Variants in TM9SF3 observed in about 807,000 individuals in gnomAD.
TM9SF3 encodes transmembrane 9 superfamily member 3.
A neutral mutation model predicts 78.6 loss-of-function variants in TM9SF3; 14 were observed. That is an observed-to-expected ratio of 0.18 (90% CI 0.12 to 0.28). TM9SF3 has a LOEUF of 0.28. Ranked by LOEUF, TM9SF3 falls within the 10% of genes least tolerant of loss-of-function variation. The probability of loss-of-function intolerance (pLI) is 1.00; values close to 1 mark genes in which losing one functional copy is unlikely to be tolerated. For missense variants in TM9SF3, 496 were observed against 721.9 expected (o/e 0.69, Z 3.59); for synonymous variants, 231 against 241.7 (o/e 0.96, Z 0.41).
intron 1 of TM9SF3, among the ~76,000 whole-genome samples, chr10:96,585,203 G>A (rs974850213): frequency 2.6e-5 from 4 of 152,112 alleles, no homozygotes; most frequent in Admixed American, 6.5e-5. Flanking sequence ...ACTACACATT[G>A]AGAGTTCTGA....
chr10:96,575,301 G>A (rs1271493060), intron 2 of TM9SF3, among the ~76,000 whole-genome samples: 1 of 152,038 alleles, frequency 6.6e-6, no homozygotes, highest in African/African-American at 2.4e-5. Context: ...TCTAGTTTAA[G>A]TTTTCTTGTT....
At position 96,576,631 on chromosome 10, in the gene TM9SF3, T is replaced by G. The variant is rs1848500038; in HGVS notation, c.298+3A>C. ...ATTGTAAGGACTATTAAGGTTTACTTACCTTTAAATTTAATATCCAGACCA... is the reference window on the plus strand; with the variant it reads ...ATTGTAAGGACTATTAAGGTTTACTGACCTTTAAATTTAATATCCAGACCA... On this transcript the variant is annotated splice_donor_region_variant and intron_variant, in intron 2 of 14. Transcript: ENST00000371142. 6.3e-7 allele frequency: 1 copy of G among 1,579,470 alleles called. No individual in the cohort carries two copies. Among genetic ancestry groups the G allele is most frequent in the Non-Finnish European group, 8.6e-7 (1 of 1,168,168 alleles).
rs1256881711 is a variant in TM9SF3 at position 96,562,156 on chromosome 10, C to T, written c.422-18G>A. ...AACAATACCTACAAAAGAAAAAACACTTTATACAAGGTAAAACCACTTAAT... is the reference window on the plus strand; with the variant it reads ...AACAATACCTACAAAAGAAAAAACATTTTATACAAGGTAAAACCACTTAAT... On this transcript the variant is annotated intron_variant, in intron 3 of 14. Transcript: ENST00000371142. 1 of 1,576,518 alleles carries T rather than the reference C, an allele frequency of 6.3e-7. No individual in the cohort carries two copies. The highest frequency in any genetic ancestry group is 2.3e-5 in the East Asian group (1 of 43,412).
Position 96,519,452 on chromosome 10 carries a change from C to T in TM9SF3, c.*2811G>A, listed in dbSNP as rs572678180. Reference sequence around the variant, plus strand: ...AATACTAAAAGAATGCTTCACCATCCCTCAGGCCATTACATTTCCACCTTA... The same window carrying T: ...AATACTAAAAGAATGCTTCACCATCTCTCAGGCCATTACATTTCCACCTTA... On this transcript the variant is annotated 3_prime_UTR_variant, in exon 15 of 15. Transcript: ENST00000371142. 2 of 151,970 alleles carry T rather than the reference C, an allele frequency of 1.3e-5. No homozygotes were observed. The highest frequency in any genetic ancestry group is 4.2e-4 in the South Asian group (2 of 4,818). The allele number at this position is 151,970 out of a possible 1,614,324, so 9.4% of individuals were successfully genotyped here.
intron 10 of TM9SF3, among the ~76,000 whole-genome samples, chr10:96,532,774 A>C (rs1270233157): frequency 6.6e-6 from 1 of 152,138 alleles, no homozygotes; most frequent in African/African-American, 2.4e-5. Context: ...GCAGATTAGT[A>C]AAACTGCAGC....
intron 8 of TM9SF3, among the ~76,000 whole-genome samples, chr10:96,547,197 T>C (rs1848111782): frequency 1.3e-5 from 2 of 152,208 alleles, no homozygotes; most frequent in Non-Finnish European, 1.5e-5. Context: ...TCAACAGAAA[T>C]ACATAACTTT....
At chr10:96,568,461 T>C (rs575305622) in intron 2 of TM9SF3, among the ~76,000 whole-genome samples, 1 of 152,304 alleles carries the variant, frequency 6.6e-6, no homozygotes, top group East Asian at 1.9e-4. Flanking sequence ...GTTAACCTTA[T>C]TTTTCAAACA....
At position 96,520,795 on chromosome 10, in the gene TM9SF3, G is replaced by A. The variant is rs1449018084; in HGVS notation, c.*1468C>T. On this transcript the variant is annotated 3_prime_UTR_variant, in exon 15 of 15. Coordinates refer to ENST00000371142, the MANE Select transcript of TM9SF3 (RefSeq NM_020123.4). ...TTTTGTGCCACAATTTCATTCAAAG[G>A]GTTTGTCATTCACTTTATGATTGTG... The A allele has an allele frequency of 2.5e-6, 1 of 395,414 alleles. No homozygotes were observed. The highest frequency in any genetic ancestry group is 2.1e-5 in the African/African-American group (1 of 48,436). 24.5% of individuals were successfully genotyped at this position (395,414 alleles called of 1,614,324 possible).
At chr10:96,558,062 T>C (rs558384367) in intron 5 of TM9SF3, among the ~76,000 whole-genome samples, 3 of 152,322 alleles carry the variant, frequency 2.0e-5, no homozygotes, top group African/African-American at 7.2e-5. Context: ...ATAAATACAG[T>C]ATACCATTCC....
Position 96,520,897 on chromosome 10 carries a change from C to G in TM9SF3, c.*1366G>C. On this transcript the variant is annotated 3_prime_UTR_variant, in exon 15 of 15. Transcript: ENST00000371142. ...TGTATGAGAGTAGCATAGTTTATAG[C>G]ATACTTTTAAAAATGGCATTCGGTA... 1 of 397,220 alleles carries G rather than the reference C, an allele frequency of 2.5e-6. No homozygotes were observed. Among genetic ancestry groups the G allele is most frequent in the Non-Finnish European group, 4.4e-6 (1 of 224,766 alleles). 24.6% of individuals were successfully genotyped at this position (397,220 alleles called of 1,614,324 possible). A position where few individuals can be genotyped will look rare whatever the true frequency, so the allele number is the denominator to read the frequency against.
chr10:96,543,316 AT>A (rs901896210), intron 9 of TM9SF3, among the ~76,000 whole-genome samples: 2 of 150,536 alleles, frequency 1.3e-5, no homozygotes, highest in African/African-American at 4.9e-5. Flanking sequence ...AGCAACGTAT[AT>A]TATTTACAAA....
intron 14 of TM9SF3, 47 bp downstream of exon 14, chr10:96,527,166 G>A: frequency 6.6e-7 from 1 of 1,512,014 alleles, no homozygotes. Context: ...TTCGGATTTA[G>A]AGAAACTCAG....
intron 10 of TM9SF3, among the ~76,000 whole-genome samples, chr10:96,531,286 G>C (rs1847890863): frequency 6.6e-6 from 1 of 152,102 alleles, no homozygotes; most frequent in Non-Finnish European, 1.5e-5. Context: ...CCCAGGAAGA[G>C]GTGGGTCCTT....
chr10:96,549,816 T>TAA (rs370197060), intron 7 of TM9SF3, among the ~76,000 whole-genome samples: 80,628 of 121,552 alleles, frequency 0.66, 25,901 homozygotes, highest in East Asian at 0.81. Flanking sequence ...CTTCTGCATT[T>TAA]TAAAAAAAAA....
At chr10:96,551,617 T>C (rs1455628841) in intron 6 of TM9SF3, among the ~76,000 whole-genome samples, 2 of 152,204 alleles carry the variant, frequency 1.3e-5, no homozygotes, top group Non-Finnish European at 2.9e-5. Context: ...GAAGTTGACT[T>C]CTGGTTGTGC....
Position 96,565,368 on chromosome 10 carries a change from T to C in TM9SF3, c.357A>G (p.Ala119=). Residue 119 remains alanine, a synonymous_variant, in exon 3 of 15, where the codon GCA becomes GCG. Coordinates refer to ENST00000371142, the MANE Select transcript of TM9SF3 (RefSeq NM_020123.4). ...EIDLDKEKRD[A]FVYAIKNHYW... is the part of the protein sequence containing the mutation. ...AATGATTTTTTATGGCATATACAAA[T>C]GCATCTCTCTTTTCTTTATCTAAAT... 1 of 1,564,268 alleles carries C rather than the reference T, an allele frequency of 6.4e-7. No individual in the cohort carries two copies. Among genetic ancestry groups the C allele is most frequent in the Non-Finnish European group, 8.6e-7 (1 of 1,164,176 alleles).
At chr10:96,541,391 T>G (rs897528480) in intron 9 of TM9SF3, among the ~76,000 whole-genome samples, 3 of 152,142 alleles carry the variant, frequency 2.0e-5, no homozygotes, top group Non-Finnish European at 4.4e-5. Context: ...TTTTTCTTTT[T>G]TTGAGACAGA....
intron 14 of TM9SF3, among the ~76,000 whole-genome samples, chr10:96,525,629 C>G (rs909067472): frequency 6.6e-6 from 1 of 151,908 alleles, no homozygotes; most frequent in South Asian, 2.1e-4. Flanking sequence ...TTATCAAATA[C>G]ACACATACAT....
Position 96,548,005 on chromosome 10 carries a change from A to T in TM9SF3, c.960-16T>A, listed in dbSNP as rs751059754. On this transcript the variant is annotated splice_polypyrimidine_tract_variant and intron_variant, in intron 7 of 14. Transcript: ENST00000371142. ...TGATCCCCTCCTAAAAAGGCAAAAA[A>T]GAAAAAAAAAATTAAAACCAACAAT... 1 of 1,560,306 alleles carries T rather than the reference A, an allele frequency of 6.4e-7. No individual in the cohort carries two copies. Among genetic ancestry groups the T allele is most frequent in the Non-Finnish European group, 8.7e-7 (1 of 1,152,694 alleles).
Sources: gnomAD v4.1 joint callset for allele counts (sites outside exome capture counted in the v4.1 genomes callset) on GRCh38, gnomAD v4.1.1 for gene constraint, MANE v1.5 for transcripts, NCBI Gene and HGNC (gene_info 2026-07-23, HGNC 2026-07-21) for gene names.